PLCG2: variants seen among roughly 807,000 people sequenced by gnomAD.
The protein encoded by PLCG2 is 1-phosphatidylinositol 4,5-bisphosphate phosphodiesterase gamma-2.
In PLCG2, 69 loss-of-function variants were observed where a neutral mutation model predicts 175.6. That is an observed-to-expected ratio of 0.39 (90% CI 0.32 to 0.48). The LOEUF (loss-of-function observed/expected upper bound fraction) is 0.48, where lower values mean the gene tolerates loss of function less well. Ranked by LOEUF, PLCG2 falls within the 20% of genes least tolerant of loss-of-function variation. The probability of loss-of-function intolerance (pLI) is 0.91; values close to 1 mark genes in which losing one functional copy is unlikely to be tolerated. For missense variants in PLCG2, 1,798 were observed against 1,650.9 expected, an observed-to-expected ratio of 1.09 and a Z score of -1.54; for synonymous variants, 827 against 624.0, an observed-to-expected ratio of 1.33 and a Z score of -4.85.
intron 2 of PLCG2, among the ~76,000 whole-genome samples, chr16:81,849,430 C>G (rs1049582311): frequency 2.0e-5 from 3 of 152,120 alleles, no homozygotes; most frequent in Admixed American, 2.0e-4. Flanking sequence ...TATAATTTTT[C>G]TGTAAGGACA....
intron 1 of PLCG2, among the ~76,000 whole-genome samples, chr16:81,750,416 C>G (rs1400048877): frequency 1.3e-5 from 1 of 74,906 alleles, no homozygotes; most frequent in Non-Finnish European, 2.6e-5. Flanking sequence ...GAGTGAGACT[C>G]TGTCTCAAAA....
chr16:81,860,174 T>TATTATTATTATTA (rs1555513305), intron 5 of PLCG2, among the ~76,000 whole-genome samples: 5,138 of 96,154 alleles, frequency 0.053, 69 homozygotes, highest in Non-Finnish European at 0.065. Flanking sequence ...TTATTATTAT[T>TATTATTATTATTA]TTTTTTTTTT....
At chr16:81,889,118 A>G (rs1597109878) in intron 9 of PLCG2, 54 bp from the exon 10 acceptor site, 10 of 1,081,600 alleles carry the variant, frequency 9.2e-6, no homozygotes, top group Non-Finnish European at 1.4e-5. Flanking sequence ...TGGGAAATGA[A>G]GAATTTTATC....
upstream of PLCG2, among the ~76,000 whole-genome samples, chr16:81,774,666 T>A (rs1189636230): frequency 6.6e-6 from 1 of 151,760 alleles, no homozygotes; most frequent in African/African-American, 2.4e-5. Flanking sequence ...GCGGTGGACC[T>A]CAGCCTGGTC....
chr16:81,946,131 C>T, intron 30 of PLCG2, 44 bp from the exon 31 acceptor site: 1 of 1,472,454 alleles, frequency 6.8e-7, no homozygotes, highest in Non-Finnish European at 9.5e-7. Context: ...TAAGGTCTGA[C>T]ATTAATTACC....
chr16:81,854,881 T>C (rs887270297), intron 3 of PLCG2, among the ~76,000 whole-genome samples: 7 of 151,908 alleles, frequency 4.6e-5, no homozygotes, highest in South Asian at 2.1e-4. Context: ...GCTGAATAAG[T>C]GATGATTAGA....
At chr16:81,794,245 C>G (rs1378182956) in intron 2 of PLCG2, among the ~76,000 whole-genome samples, 1 of 152,062 alleles carries the variant, frequency 6.6e-6, no homozygotes, top group African/African-American at 2.4e-5. Context: ...TTGGCTCATC[C>G]TGAAATCCAC....
intron 1 of PLCG2, among the ~76,000 whole-genome samples, chr16:81,740,744 A>G (rs1212043431): frequency 7.3e-6 from 1 of 137,712 alleles, no homozygotes; most frequent in African/African-American, 2.5e-5. Context: ...AAAAAAAAAA[A>G]AAAAAAAAAA....
chr16:81,808,428 A>G (rs148709396), intron 2 of PLCG2, among the ~76,000 whole-genome samples: 166 of 152,310 alleles, frequency 1.1e-3, no homozygotes, highest in African/African-American at 3.8e-3. Flanking sequence ...TGTGGCCCCA[A>G]GCCCACAGCA....
rs1445882368 is a variant in PLCG2 at position 81,962,341 on chromosome 16, A to G, written c.*4343A>G. On this transcript the variant is annotated 3_prime_UTR_variant, in exon 33 of 33. Coordinates refer to ENST00000564138, the MANE Select transcript of PLCG2 (RefSeq NM_002661.5). ...ATCTTCTAACCAACAAAAAGTTAAT[A>G]ATTAGATTTGGAATTATACAGAATT... 4.8e-6 allele frequency: 1 copy of G among 207,348 alleles called. No individual in the cohort carries two copies. Among genetic ancestry groups the G allele is most frequent in the Non-Finnish European group, 9.8e-6 (1 of 101,990 alleles). The allele number at this position is 207,348 out of a possible 1,614,324, so 12.8% of individuals were successfully genotyped here. A position where few individuals can be genotyped will look rare whatever the true frequency, so the allele number is the denominator to read the frequency against.
chr16:81,852,326 C>T (rs1906459061), intron 2 of PLCG2, among the ~76,000 whole-genome samples: 2 of 152,154 alleles, frequency 1.3e-5, no homozygotes, highest in Non-Finnish European at 1.5e-5. Flanking sequence ...AGCCAGGGCA[C>T]TTGGGTCATT....
rs950951122 is a variant in PLCG2 at position 81,961,851 on chromosome 16, G to C, written c.*3853G>C. The stretch of plus-strand genomic sequence containing the variant: ...ATGAGAAATTTTAGATGTCAATATA[G>C]CAATGTGCAAGAAGATAGAGATTTT... On this transcript the variant is annotated 3_prime_UTR_variant, in exon 33 of 33. Coordinates refer to ENST00000564138, the MANE Select transcript of PLCG2 (RefSeq NM_002661.5). 2.0e-5 allele frequency: 4 copies of C among 201,098 alleles called. No individual in the cohort carries two copies. The highest frequency in any genetic ancestry group is 3.1e-5 in the Non-Finnish European group (3 of 97,798). The allele number at this position is 201,098 out of a possible 1,614,324, so 12.5% of individuals were successfully genotyped here. A position where few individuals can be genotyped will look rare whatever the true frequency, so the allele number is the denominator to read the frequency against.
chr16:81,812,776 A>T (rs899288855), intron 2 of PLCG2, among the ~76,000 whole-genome samples: 1 of 152,068 alleles, frequency 6.6e-6, no homozygotes, highest in Admixed American at 6.5e-5. Context: ...GGTATTGCCT[A>T]GGTTTTTTTC....
intron 13 of PLCG2, among the ~76,000 whole-genome samples, chr16:81,900,055 C>T (rs532102760): frequency 7.2e-5 from 11 of 152,226 alleles, no homozygotes; most frequent in African/African-American, 2.4e-4. Flanking sequence ...AATACACAGA[C>T]ACCTTATAGA....
chr16:81,776,083 C>CTTTCTTTCTTTCTGTCTTTCTT, upstream of PLCG2, among the ~76,000 whole-genome samples: 36 of 81,942 alleles, frequency 4.4e-4, no homozygotes, highest in Non-Finnish European at 6.2e-4. Flanking sequence ...TTCTCTCTCT[C>CTTTCTTTCTTTCTGTCTTTCTT]TCTCTCTTTC....
chr16:81,811,858 G>A (rs1904333769), intron 2 of PLCG2, among the ~76,000 whole-genome samples: 1 of 152,072 alleles, frequency 6.6e-6, no homozygotes, highest in Admixed American at 6.6e-5. Flanking sequence ...ATAGTAGAAT[G>A]ATTTACAATC....
intron 2 of PLCG2, among the ~76,000 whole-genome samples, chr16:81,816,300 G>C (rs1192983672): frequency 5.3e-5 from 8 of 152,320 alleles, no homozygotes; most frequent in Non-Finnish European, 1.0e-4. Flanking sequence ...GAACCTGGGA[G>C]ATGGAAGTTA....
chr16:81,748,068 T>C (rs1161572428), intron 1 of PLCG2, among the ~76,000 whole-genome samples: 1 of 151,914 alleles, frequency 6.6e-6, no homozygotes, highest in Non-Finnish European at 1.5e-5. Context: ...AGAAACAGGG[T>C]GGCCCCATAT....
chr16:81,839,422 T>C (rs999558076), intron 2 of PLCG2, among the ~76,000 whole-genome samples: 1 of 152,198 alleles, frequency 6.6e-6, no homozygotes, highest in Non-Finnish European at 1.5e-5. Flanking sequence ...TACACAGTAC[T>C]GGTTTAAAGA....
Sources: allele counts gnomAD v4.1 joint callset (sites outside exome capture counted in the v4.1 genomes callset), GRCh38; gene constraint gnomAD v4.1.1; transcripts MANE v1.5; gene names NCBI Gene and HGNC (gene_info 2026-07-23, HGNC 2026-07-21).